SKIL: variants seen among roughly 807,000 people sequenced by gnomAD.
SKIL encodes SKI like proto-oncogene, also known as ski-like protein.
A neutral mutation model predicts 69.6 loss-of-function variants in SKIL; 20 were observed. The observed-to-expected ratio is 0.29, with a 90% CI of 0.20 to 0.42. The LOEUF (loss-of-function observed/expected upper bound fraction) is 0.42, where lower values mean the gene tolerates loss of function less well. SKIL is among the 10% of genes least tolerant of loss of function. The pLI is 1.00. For synonymous variants in SKIL, 310 were observed against 279.9 expected, an observed-to-expected ratio of 1.11 and a Z score of -1.08; for missense variants, 745 against 783.1, an observed-to-expected ratio of 0.95 and a Z score of 0.58.
In SKIL at chr3:170,394,978, A is replaced by G. The variant is rs1162900213; in HGVS notation, c.*2561A>G. 6.6e-6 allele frequency: 1 copy of G among 152,188 alleles called. No individual in the cohort carries two copies. Among genetic ancestry groups the G allele is most frequent in the Non-Finnish European group, 1.5e-5 (1 of 68,010 alleles). 9.4% of individuals were successfully genotyped at this position (152,188 alleles called of 1,614,324 possible). ...TCTTTGTGTGCCAAATTCACTAGGCAAGCGGATTTTTCCTCAGACTTCAAA... is the reference window on the plus strand; with the variant it reads ...TCTTTGTGTGCCAAATTCACTAGGCGAGCGGATTTTTCCTCAGACTTCAAA... On this transcript the variant is annotated 3_prime_UTR_variant, in exon 7 of 7. Coordinates refer to ENST00000259119, the MANE Select transcript of SKIL (RefSeq NM_005414.5).
intron 4 of SKIL, among the ~76,000 whole-genome samples, chr3:170,388,856 T>TTATGTATG (rs1319361467): frequency 4.6e-4 from 65 of 141,132 alleles, no homozygotes; most frequent in African/African-American, 1.7e-3. Context: ...AAATATTTAT[T>TTATGTATG]TATGTATTTA....
intron 5 of SKIL, 90 bp downstream of exon 5, chr3:170,390,554 T>A (rs1188875646): frequency 1.0e-6 from 1 of 1,002,996 alleles, no homozygotes; most frequent in Non-Finnish European, 1.5e-6. Flanking sequence ...TGGCGCAGTC[T>A]CAGCTCACTG....
rs1363162959 is a variant in SKIL, at chr3:170,361,054, A to T, written c.723A>T (p.Gln241His). 4 of 1,614,230 alleles carry T rather than the reference A, an allele frequency of 2.5e-6. No individual in the cohort carries two copies. Among genetic ancestry groups the T allele is most frequent in the Non-Finnish European group, 3.4e-6 (4 of 1,180,044 alleles). The change falls in exon 2 of 7, where the codon CAA becomes CAT. Residue 241 changes from glutamine (Q) to histidine (H), a missense_variant. Coordinates refer to ENST00000259119, the MANE Select transcript of SKIL (RefSeq NM_005414.5). ...NALLRPRTFP[Q>H]NGSVLPAKSS... is the part of the protein sequence containing the mutation. ...TATTGCGGCCACGAACTTTTCCTCA[A>T]AATGGTAGCGTACTTCCTGCTAAAA...
intron 5 of SKIL, among the ~76,000 whole-genome samples, chr3:170,390,693 G>A (rs1358258427): frequency 6.6e-6 from 1 of 152,060 alleles, no homozygotes; most frequent in Admixed American, 6.6e-5. Context: ...CTCCATGCTG[G>A]CCAGGCTCGA....
rs955126710 is a variant in SKIL, at chr3:170,393,704, C to T, written c.*1287C>T. 1.1e-4 allele frequency: 16 copies of T among 151,950 alleles called. No individual in the cohort carries two copies. Among genetic ancestry groups the T allele is most frequent in the Admixed American group, 6.6e-5 (1 of 15,252 alleles). 9.4% of individuals were successfully genotyped at this position (151,950 alleles called of 1,614,324 possible). A position where few individuals can be genotyped will look rare whatever the true frequency, so the allele number is the denominator to read the frequency against. ...TTTAAAGGGAGTTTCCTGAAACTAT[C>T]ATTAATTGACATTATTACCCCATGG... On this transcript the variant is annotated 3_prime_UTR_variant, in exon 7 of 7. Coordinates refer to ENST00000259119, the MANE Select transcript of SKIL (RefSeq NM_005414.5).
chr3:170,385,584 G>A (rs1737579676), intron 4 of SKIL, among the ~76,000 whole-genome samples: 1 of 152,064 alleles, frequency 6.6e-6, no homozygotes, highest in Admixed American at 6.6e-5. Flanking sequence ...AAAAATAGCT[G>A]GTTACTTACC....
intron 3 of SKIL, among the ~76,000 whole-genome samples, chr3:170,383,045 A>G (rs189718993): frequency 6.6e-5 from 10 of 152,280 alleles, no homozygotes; most frequent in African/African-American, 2.2e-4. Flanking sequence ...TTAAAAAGAA[A>G]TTCTTTTGAA....
intron 2 of SKIL, among the ~76,000 whole-genome samples, chr3:170,367,010 T>C (rs1319506169): frequency 6.6e-6 from 1 of 152,266 alleles, no homozygotes; most frequent in Non-Finnish European, 1.5e-5. Flanking sequence ...AAATTAATCA[T>C]TTGTAAATAA....
chr3:170,390,105 T>C (rs1249090809), intron 4 of SKIL, 118 bp from the exon 5 acceptor site: 4 of 714,582 alleles, frequency 5.6e-6, no homozygotes, highest in African/African-American at 5.4e-5. Context: ...TCCTATTTTA[T>C]TTGTTTTGGT....
At position 170,360,357 on chromosome 3, in the gene SKIL, C is replaced by G. The variant is rs1398707592; in HGVS notation, c.26C>G (p.Ser9Cys). The G allele has an allele frequency of 4.5e-6, 7 of 1,566,762 alleles. No homozygotes were observed. Among genetic ancestry groups the G allele is most frequent in the Non-Finnish European group, 6.0e-6 (7 of 1,160,192 alleles). Reference protein sequence around the residue: MENLQTNFSLVQGSTKKLN... With the variant: MENLQTNFCLVQGSTKKLN... ...ATGGAAAACCTCCAGACAAATTTCT[C>G]CTTGGTTCAGGGCTCAACTAAAAAA... Residue 9 changes from serine (S) to cysteine (C), a missense_variant, in exon 2 of 7, where the codon TCC becomes TGC. By Grantham distance (112) the Ser-to-Cys change is moderately radical (BLOSUM62 -1). Coordinates refer to ENST00000259119, the MANE Select transcript of SKIL (RefSeq NM_005414.5).
Position 170,360,892 on chromosome 3 carries a change from T to C in SKIL, c.561T>C (p.Cys187=), listed in dbSNP as rs781114604. The change falls in exon 2 of 7, where the codon TGT becomes TGC. Residue 187 remains cysteine, a synonymous_variant. Transcript: ENST00000259119. ...EFTLQQINTV[C]DELYIYCSRC... ...CACTCCAGCAAATAAATACAGTGTG[T>C]GATGAACTGTACATATATTGTTCAA... The C allele has an allele frequency of 6.8e-6, 11 of 1,614,094 alleles. No homozygotes were observed. The highest frequency in any genetic ancestry group is 4.4e-5 in the South Asian group (4 of 91,096).
intron 1 of SKIL, among the ~76,000 whole-genome samples, chr3:170,358,079 GC>G (rs982837791): frequency 6.6e-6 from 1 of 152,056 alleles, no homozygotes; most frequent in Non-Finnish European, 1.5e-5. Context: ...GCCCGTCACC[GC>G]CCCCCTCCCC....
chr3:170,390,484 G>T lies in SKIL; in HGVS notation c.1671+20G>T. The T allele has an allele frequency of 1.3e-6, 2 of 1,594,470 alleles. No homozygotes were observed. Among genetic ancestry groups the T allele is most frequent in the Non-Finnish European group, 1.7e-6 (2 of 1,163,444 alleles). On this transcript the variant is annotated intron_variant, in intron 5 of 6. Coordinates refer to ENST00000259119, the MANE Select transcript of SKIL (RefSeq NM_005414.5). ...CAGATGGTAAAATTGTTATCTAAAT[G>T]ATAGTCCATTATGAAAAGATACTTT...
intron 2 of SKIL, among the ~76,000 whole-genome samples, chr3:170,366,826 G>C (rs1182970954): frequency 6.6e-6 from 1 of 152,066 alleles, no homozygotes. Flanking sequence ...ACTTTAAACT[G>C]TATAAATACA....
At chr3:170,388,119 T>C (rs1405573610) in intron 4 of SKIL, among the ~76,000 whole-genome samples, 5 of 152,148 alleles carry the variant, frequency 3.3e-5, no homozygotes, top group Non-Finnish European at 7.3e-5. Context: ...TGCACCATTT[T>C]ACATTCCTGT....
At chr3:170,376,112 A>G (rs1316347451) in intron 2 of SKIL, among the ~76,000 whole-genome samples, 2 of 141,876 alleles carry the variant, frequency 1.4e-5, no homozygotes, top group East Asian at 2.0e-4. Context: ...CAGTGGCGCA[A>G]TCTCAGCTCA....
chr3:170,381,375 C>G lies in SKIL; in HGVS notation c.1196+34C>G, dbSNP rs547786050. 3.2e-5 allele frequency: 31 copies of G among 981,452 alleles called. No homozygotes were observed. In the Admixed American group the frequency reaches 4.4e-4, roughly 14 times the overall value. 60.8% of individuals were successfully genotyped at this position (981,452 alleles called of 1,614,324 possible). ...GTATTTATTTGTTCGTTTGTTCATT[C>G]ATTTCTTCATTCAACAACTATATGC... On this transcript the variant is annotated intron_variant, in intron 3 of 6. Transcript: ENST00000259119.
intron 2 of SKIL, among the ~76,000 whole-genome samples, chr3:170,376,670 G>A (rs1272387419): frequency 1.3e-5 from 2 of 151,962 alleles, no homozygotes; most frequent in African/African-American, 2.4e-5. Flanking sequence ...CTGTTTCCTG[G>A]GCTCAAGTGA....
chr3:170,371,195 A>G (rs762321852), intron 2 of SKIL, among the ~76,000 whole-genome samples: 2 of 152,204 alleles, frequency 1.3e-5, no homozygotes, highest in African/African-American at 2.4e-5. Context: ...TCTAGAGTGC[A>G]TAAGTATTAA....
Sources: allele counts gnomAD v4.1 joint callset (sites outside exome capture counted in the v4.1 genomes callset), GRCh38; gene constraint gnomAD v4.1.1; transcripts MANE v1.5; gene names NCBI Gene and HGNC (gene_info 2026-07-23, HGNC 2026-07-21).